C1orf198: variants seen among roughly 807,000 people sequenced by gnomAD.
The protein encoded by C1orf198 is uncharacterized protein C1orf198.
In C1orf198, 17 loss-of-function variants were observed where a neutral mutation model predicts 31.4. The observed-to-expected ratio is 0.54, with a 90% CI of 0.37 to 0.81. The LOEUF (loss-of-function observed/expected upper bound fraction) is 0.81, where lower values mean the gene tolerates loss of function less well. Ranked by LOEUF, C1orf198 falls within the 40% of genes least tolerant of loss-of-function variation. The pLI is 0.00. For synonymous variants in C1orf198, 175 were observed against 193.8 expected (o/e 0.90, Z 0.81); for missense variants, 401 against 450.3 (o/e 0.89, Z 0.99).
intron 1 of C1orf198, among the ~76,000 whole-genome samples, chr1:230,861,674 A>T (rs900194563): frequency 6.6e-6 from 1 of 152,134 alleles, no homozygotes; most frequent in Non-Finnish European, 1.5e-5. Flanking sequence ...ACCATAACAA[A>T]CATCCTGATA....
intron 2 of C1orf198, among the ~76,000 whole-genome samples, chr1:230,844,712 T>G (rs1202554): frequency 0.27 from 40,962 of 152,066 alleles, 6,247 homozygotes; most frequent in Middle Eastern, 0.46. Flanking sequence ...AGGTGCACAC[T>G]GCAACAAAAG....
rs1271506943 is a variant in C1orf198 at position 230,837,638 on chromosome 1, C to G, written c.*2214G>C. ...AAGGTGTAGAGGAAGATCTGCCGGT[C>G]AGGCAGGATGAAGACCCACACAGGA... is the stretch of plus-strand genomic sequence containing the variant. On this transcript the variant is annotated 3_prime_UTR_variant, in exon 4 of 4. Transcript: ENST00000366663. 6.6e-6 allele frequency: 1 copy of G among 152,198 alleles called. No homozygotes were observed. Among genetic ancestry groups the G allele is most frequent in the African/African-American group, 2.4e-5 (1 of 41,460 alleles). 9.4% of individuals were successfully genotyped at this position (152,198 alleles called of 1,614,324 possible).
At chr1:230,856,010 A>G in intron 1 of C1orf198, 1 of 1,182,550 alleles carries the variant, frequency 8.5e-7, no homozygotes, top group Admixed American at 4.3e-5. Flanking sequence ...GTAGGAGTGG[A>G]TGAGGGCTTG....
At chr1:230,853,867 G>A (rs189655579) in intron 2 of C1orf198, among the ~76,000 whole-genome samples, 2 of 152,304 alleles carry the variant, frequency 1.3e-5, no homozygotes, top group African/African-American at 4.8e-5. Context: ...TGTGATTCAA[G>A]TGGACTGTAC....
chr1:230,865,032 G>T (rs184112841), intron 1 of C1orf198, among the ~76,000 whole-genome samples: 1 of 152,304 alleles, frequency 6.6e-6, no homozygotes, highest in East Asian at 1.9e-4. Context: ...ACTGTCAAAA[G>T]CATCCATTTG....
chr1:230,854,314 T>C (rs1669817194), intron 2 of C1orf198, among the ~76,000 whole-genome samples: 1 of 152,152 alleles, frequency 6.6e-6, no homozygotes, highest in South Asian at 2.1e-4. Context: ...CAATTACCCA[T>C]TTTGGGAGCC....
At chr1:230,862,366 T>C (rs1202577) in intron 1 of C1orf198, among the ~76,000 whole-genome samples, 84,166 of 152,026 alleles carry the variant, frequency 0.55, 24,652 homozygotes, top group South Asian at 0.74. Flanking sequence ...GGTAATCACA[T>C]TCCTTGGCAT....
chr1:230,852,930 A>T (rs1669782106), intron 2 of C1orf198, among the ~76,000 whole-genome samples: 1 of 152,178 alleles, frequency 6.6e-6, no homozygotes, highest in Admixed American at 6.5e-5. Context: ...GATACTATGC[A>T]ATTGCCCAGC....
chr1:230,855,577 T>C, intron 2 of C1orf198, 91 bp downstream of exon 2: 2 of 1,403,822 alleles, frequency 1.4e-6, no homozygotes, highest in Non-Finnish European at 2.0e-6. Flanking sequence ...CAGGGGGCTG[T>C]CTTCTGAGTC....
chr1:230,868,293 G>A lies in C1orf198; in HGVS notation c.220C>T (p.Leu74=). ...AQQDEIIDRC[L]VGPRAPAPRD... ...GGCGCCGGGGCGCGCGGCCCCACCA[G>A]GCACCGGTCGATGATCTCGTCCTGC... The change falls in exon 1 of 4, where the codon CTG becomes TTG. Residue 74 remains leucine (L), a synonymous_variant. Transcript: ENST00000366663. The A allele has an allele frequency of 6.3e-7, 1 of 1,597,268 alleles. No homozygotes were observed. Among genetic ancestry groups the A allele is most frequent in the African/African-American group, 1.4e-5 (1 of 72,476 alleles).
At chr1:230,844,969 C>A (rs1669547783) in intron 2 of C1orf198, among the ~76,000 whole-genome samples, 1 of 152,208 alleles carries the variant, frequency 6.6e-6, no homozygotes, top group Non-Finnish European at 1.5e-5. Context: ...CCAAGCTCTG[C>A]AGAACAAGCA....
rs577104133 is a variant in C1orf198, at chr1:230,855,857, C to T, written c.334-139G>A. The stretch of plus-strand genomic sequence containing the variant: ...TCTAAACAAGCCTGATGCTTTGACA[C>T]TCTCAATATAATGCGCTGACCGTCT... On this transcript the variant is annotated intron_variant, in intron 1 of 3. Transcript: ENST00000366663. 253 of 1,487,526 alleles carry T rather than the reference C, an allele frequency of 1.7e-4. No homozygotes were observed. In the Middle Eastern group the frequency reaches 2.0e-3, roughly 12 times the overall value. 92.1% of individuals were successfully genotyped at this position (1,487,526 alleles called of 1,614,324 possible). A position where few individuals can be genotyped will look rare whatever the true frequency, so the allele number is the denominator to read the frequency against.
At chr1:230,859,657 C>T (rs1175604445) in intron 1 of C1orf198, among the ~76,000 whole-genome samples, 1 of 152,118 alleles carries the variant, frequency 6.6e-6, no homozygotes, top group South Asian at 2.1e-4. Flanking sequence ...TTATCAGAGG[C>T]CAGCGCTACA....
intron 1 of C1orf198, among the ~76,000 whole-genome samples, chr1:230,864,246 G>A (rs1558143262): frequency 6.6e-6 from 1 of 152,144 alleles, no homozygotes; most frequent in East Asian, 1.9e-4. Flanking sequence ...CAAACCTCTA[G>A]GCTGGCCAGC....
Position 230,851,000 on chromosome 1 carries a change from G to A in C1orf198, c.384+4668C>T, listed in dbSNP as rs138116801. Among the ~76,000 whole-genome samples, 239 of 152,182 alleles carry A rather than the reference G, an allele frequency of 1.6e-3. 1 individual carries two copies. Among genetic ancestry groups the A allele is most frequent in the African/African-American group, 5.1e-3 (212 of 41,526 alleles). ...GCATCCCGGTGTCCTGACCCACAGCGTGAACAGGGACACCAGCCTCCCAAG... is the reference window on the plus strand; with the variant it reads ...GCATCCCGGTGTCCTGACCCACAGCATGAACAGGGACACCAGCCTCCCAAG... On this transcript the variant is annotated intron_variant, in intron 2 of 3. Coordinates refer to ENST00000366663, the MANE Select transcript of C1orf198 (RefSeq NM_032800.3).
At chr1:230,868,531 T>C, upstream of C1orf198, 2 of 1,272,518 alleles carry the variant, frequency 1.6e-6, no homozygotes, top group Admixed American at 4.1e-5. Flanking sequence ...TGCCCGCCGC[T>C]CCCGGCCCGC....
chr1:230,851,455 G>C (rs112784031), intron 2 of C1orf198, among the ~76,000 whole-genome samples: 1 of 152,142 alleles, frequency 6.6e-6, no homozygotes, highest in Non-Finnish European at 1.5e-5. Context: ...AGCCCAGACC[G>C]CCTGGGGAAT....
intron 1 of C1orf198, among the ~76,000 whole-genome samples, chr1:230,867,952 G>A (rs1430587457): frequency 2.0e-5 from 3 of 151,434 alleles, no homozygotes; most frequent in African/African-American, 7.4e-5. Context: ...TCTAGATGGA[G>A]GTTCTTTAAC....
rs138926603 is a variant in C1orf198 at position 230,841,402 on chromosome 1, T to C, written c.928-1494A>G. On this transcript the variant is annotated intron_variant, in intron 3 of 3. Transcript: ENST00000366663. ...AGGTGTGGAAGTACTGGAAACCTGC[T>C]CTGGGGGACATTCAATGTTATCAGT... Among the ~76,000 whole-genome samples the C allele has an allele frequency of 4.7e-3, 717 of 152,298 alleles. 8 individuals are homozygous for C. Among genetic ancestry groups the C allele is most frequent in the Middle Eastern group, 0.02 (6 of 294 alleles).
Sources: gnomAD v4.1 joint callset for allele counts (sites outside exome capture counted in the v4.1 genomes callset) on GRCh38, gnomAD v4.1.1 for gene constraint, MANE v1.5 for transcripts, NCBI Gene and HGNC (gene_info 2026-07-23, HGNC 2026-07-21) for gene names.